TGFBI: variants seen among roughly 807,000 people sequenced by gnomAD.
The protein encoded by TGFBI is transforming growth factor beta induced, also known as transforming growth factor-beta-induced protein ig-h3.
TGFBI carries 50 observed loss-of-function variants against 73.7 expected under a neutral mutation model. The observed-to-expected ratio is 0.68, with a 90% CI of 0.54 to 0.86. The LOEUF is 0.86. Among genes scored for constraint, TGFBI ranks in the 40% least tolerant of loss-of-function variants. The pLI is 0.00. For missense variants in TGFBI, 839 were observed against 877.0 expected, an observed-to-expected ratio of 0.96 and a Z score of 0.55; for synonymous variants, 362 against 360.5, an observed-to-expected ratio of 1.00 and a Z score of -0.05.
chr5:136,057,166 T>A (rs531065337), intron 12 of TGFBI, among the ~76,000 whole-genome samples: 1 of 152,136 alleles, frequency 6.6e-6, no homozygotes, highest in Non-Finnish European at 1.5e-5. Context: ...GCCATCTGGG[T>A]CTCTTGTTGG....
chr5:136,046,128 C>T lies in TGFBI; in HGVS notation c.299-207C>T, dbSNP rs45539132. The stretch of plus-strand genomic sequence containing the variant: ...AAAAATCACCAATTAGTTGAGTTCA[C>T]GTAGACAGGCATTTGACTTATTGAG... On this transcript the variant is annotated intron_variant, in intron 3 of 16. Transcript: ENST00000442011. 1.3e-3 allele frequency: 665 copies of T among 513,420 alleles called. 6 individuals are homozygous for T. The highest frequency in any genetic ancestry group is 0.011 in the African/African-American group (602 of 52,576). 31.8% of individuals were successfully genotyped at this position (513,420 alleles called of 1,614,324 possible). A position where few individuals can be genotyped will look rare whatever the true frequency, so the allele number is the denominator to read the frequency against.
At chr5:136,053,147 C>A in intron 8 of TGFBI, 28 bp downstream of exon 8, 1 of 1,596,858 alleles carries the variant, frequency 6.3e-7, no homozygotes. Context: ...GGGCCTTGGC[C>A]CTGCCTGGCC....
intron 1 of TGFBI, among the ~76,000 whole-genome samples, chr5:136,033,558 G>A (rs908520225): frequency 1.3e-5 from 2 of 152,154 alleles, no homozygotes; most frequent in African/African-American, 2.4e-5. Context: ...AATTTTTGCA[G>A]GGGAAGCTTT....
At chr5:136,046,757 C>A in intron 4 of TGFBI, 94 bp from the exon 5 acceptor site, 1 of 1,455,488 alleles carries the variant, frequency 6.9e-7, no homozygotes, top group South Asian at 1.4e-5. Context: ...CCTGGGCTCA[C>A]GAGGGCTGAG....
chr5:136,061,448 G>A (rs1026972864), intron 14 of TGFBI, 52 bp from the exon 15 acceptor site: 2 of 1,352,568 alleles, frequency 1.5e-6, no homozygotes, highest in South Asian at 1.2e-5. Context: ...TGTTATGAAT[G>A]ACATGCTAAT....
intron 2 of TGFBI, among the ~76,000 whole-genome samples, chr5:136,034,140 G>T (rs551498944): frequency 6.6e-6 from 1 of 152,126 alleles, no homozygotes; most frequent in African/African-American, 2.4e-5. Flanking sequence ...GTGTGTGTGT[G>T]TGTTTCTCAA....
intron 1 of TGFBI, among the ~76,000 whole-genome samples, chr5:136,032,456 A>G (rs1191310694): frequency 1.3e-5 from 2 of 152,240 alleles, no homozygotes; most frequent in Non-Finnish European, 2.9e-5. Context: ...GTTCCTGCAG[A>G]GGAATCATGA....
chr5:136,035,708 CAATT>C (rs1204576185), intron 2 of TGFBI, among the ~76,000 whole-genome samples: 1 of 150,958 alleles, frequency 6.6e-6, no homozygotes, highest in African/African-American at 2.4e-5. Flanking sequence ...CTCAAATTAA[CAATT>C]AATTACTTAA....
Position 136,063,445 on chromosome 5 carries a change from A to G in TGFBI, c.*219A>G, listed in dbSNP as rs146047755. On this transcript the variant is annotated 3_prime_UTR_variant, in exon 17 of 17. Coordinates refer to ENST00000442011, the MANE Select transcript of TGFBI (RefSeq NM_000358.3). ...CTAAACATGGCTGTTAACCCACTGCATGCAGAAACTTGGATGTCACTGCCT... is the reference window on the plus strand; with the variant it reads ...CTAAACATGGCTGTTAACCCACTGCGTGCAGAAACTTGGATGTCACTGCCT... 1 of 533,734 alleles carries G rather than the reference A, an allele frequency of 1.9e-6. No homozygotes were observed. Among genetic ancestry groups the G allele is most frequent in the Admixed American group, 3.2e-5 (1 of 31,282 alleles). 33.1% of individuals were successfully genotyped at this position (533,734 alleles called of 1,614,324 possible).
intron 2 of TGFBI, among the ~76,000 whole-genome samples, chr5:136,042,985 C>T (rs1390588457): frequency 6.6e-6 from 1 of 152,174 alleles, no homozygotes; most frequent in Non-Finnish European, 1.5e-5. Context: ...TGTCATTAAA[C>T]GCCCTTTGAG....
chr5:136,059,141 T>C lies in TGFBI; in HGVS notation c.1730T>C (p.Ile577Thr). Residue 577 changes from isoleucine (I) to threonine (T), a missense_variant, in exon 13 of 17, where the codon ATC becomes ACC. Transcript: ENST00000442011. Reference sequence around the variant, plus strand: ...CTGAAATACCACATTGGTGATGAAATCCTGGTTAGCGGAGGCATCGGGGCC... The same window carrying C: ...CTGAAATACCACATTGGTGATGAAACCCTGGTTAGCGGAGGCATCGGGGCC... The part of the protein sequence containing the change: ...NILKYHIGDE[I>T]LVSGGIGALV... The C allele has an allele frequency of 6.2e-7, 1 of 1,611,710 alleles. No individual in the cohort carries two copies. Among genetic ancestry groups the C allele is most frequent in the Non-Finnish European group, 8.5e-7 (1 of 1,179,148 alleles).
chr5:136,038,717 T>C (rs1751274342), intron 2 of TGFBI, among the ~76,000 whole-genome samples: 1 of 103,000 alleles, frequency 9.7e-6, no homozygotes, highest in South Asian at 3.2e-4. Context: ...CAAGACTCCA[T>C]CTCAAAAAAA....
At position 136,063,419 on chromosome 5, in the gene TGFBI, C is replaced by G; in HGVS notation, c.*193C>G. 1.7e-6 allele frequency: 1 copy of G among 591,646 alleles called. No homozygotes were observed. Among genetic ancestry groups the G allele is most frequent in the East Asian group, 2.9e-5 (1 of 34,564 alleles). The allele number at this position is 591,646 out of a possible 1,614,324, so 36.6% of individuals were successfully genotyped here. On this transcript the variant is annotated 3_prime_UTR_variant, in exon 17 of 17. Coordinates refer to ENST00000442011, the MANE Select transcript of TGFBI (RefSeq NM_000358.3). ...GATGTACTTTTTAAATCATGTTCCC[C>G]CTAAACATGGCTGTTAACCCACTGC...
chr5:136,031,824 A>G (rs1341188598), intron 1 of TGFBI, among the ~76,000 whole-genome samples: 1 of 152,116 alleles, frequency 6.6e-6, no homozygotes, highest in African/African-American at 2.4e-5. Flanking sequence ...TCCTATGTAC[A>G]CAGCCCACCC....
intron 3 of TGFBI, chr5:136,044,981 C>G (rs1357437208): frequency 6.6e-6 from 1 of 151,686 alleles, no homozygotes; most frequent in African/African-American, 2.4e-5. Flanking sequence ...GTTGTTATAC[C>G]CTCTTTTAAA....
intron 3 of TGFBI, 88 bp from the exon 4 acceptor site, chr5:136,046,247 A>G (rs1751423756): frequency 6.6e-7 from 1 of 1,512,036 alleles, no homozygotes; most frequent in Non-Finnish European, 9.1e-7. Flanking sequence ...CCACCTGTAG[A>G]TGTACCGTGC....
At chr5:136,053,848 A>T in intron 8 of TGFBI, 95 bp from the exon 9 acceptor site, 1 of 1,562,090 alleles carries the variant, frequency 6.4e-7, no homozygotes, top group East Asian at 2.3e-5. Context: ...TCACGAGATG[A>T]CATTCCTGCT....
intron 12 of TGFBI, 181 bp from the exon 13 acceptor site, chr5:136,058,909 T>C (rs905541482): frequency 1.1e-5 from 8 of 697,686 alleles, no homozygotes; most frequent in Non-Finnish European, 1.8e-5. Flanking sequence ...CCTCTGACCA[T>C]TAGACAGATT....
intron 11 of TGFBI, chr5:136,056,349 CAT>C (rs1046715805): frequency 6.5e-6 from 2 of 306,808 alleles, no homozygotes; most frequent in African/African-American, 4.3e-5. Flanking sequence ...CTCCCAGAAT[CAT>C]ATCCCTGGAG....
Sources: allele counts gnomAD v4.1 joint callset (sites outside exome capture counted in the v4.1 genomes callset), GRCh38; gene constraint gnomAD v4.1.1; transcripts MANE v1.5; gene names NCBI Gene and HGNC (gene_info 2026-07-23, HGNC 2026-07-21).